Variants in AFF4 observed in about 807,000 individuals in gnomAD.
The protein encoded by AFF4 is AF4/FMR2 family member 4.
A neutral mutation model predicts 124.8 loss-of-function variants in AFF4; 13 were observed. The ratio of observed to expected loss-of-function variants is 0.10; its 90% CI spans 0.07 to 0.17. The LOEUF (loss-of-function observed/expected upper bound fraction) is 0.17. AFF4 is among the 10% of genes least tolerant of loss of function. The pLI, the probability that AFF4 is intolerant of heterozygous loss-of-function variation, is 1.00. For missense variants in AFF4, 1,092 were observed against 1,403.8 expected (o/e 0.78, Z 3.55); for synonymous variants, 477 against 496.1 (o/e 0.96, Z 0.51).
At chr5:132,905,264 C>T (rs1432417368) in intron 5 of AFF4, among the ~76,000 whole-genome samples, 2 of 152,090 alleles carry the variant, frequency 1.3e-5, no homozygotes, top group Non-Finnish European at 2.9e-5. Flanking sequence ...AGAATGTCAC[C>T]CTTAGTGAAA....
At chr5:132,938,718 C>T (rs1167929818) in intron 1 of AFF4, among the ~76,000 whole-genome samples, 4 of 151,322 alleles carry the variant, frequency 2.6e-5, no homozygotes, top group Non-Finnish European at 5.9e-5. Flanking sequence ...CCGAGGTGGG[C>T]AGATCACAAG....
At position 132,897,277 on chromosome 5, in the gene AFF4, C is replaced by A. The variant is rs369355217; in HGVS notation, c.1390-37G>T. On this transcript the variant is annotated intron_variant, in intron 10 of 20. Transcript: ENST00000265343. ...AGAAATATGTATGCTTTTTTCGATA[C>A]TGAATGCTTTTTTCGTTCTCCCTCC... The A allele has an allele frequency of 1.6e-5, 25 of 1,581,738 alleles. No homozygotes were observed. In the African/African-American group the frequency reaches 2.4e-4, roughly 15 times the overall value.
intron 5 of AFF4, among the ~76,000 whole-genome samples, chr5:132,921,081 C>T (rs1472482303): frequency 1.3e-5 from 2 of 149,720 alleles, no homozygotes; most frequent in African/African-American, 2.5e-5. Context: ...GAGCCGAGAT[C>T]GCGCCACTGC....
chr5:132,907,851 T>TG (rs1174288936), intron 5 of AFF4, among the ~76,000 whole-genome samples: 1 of 148,594 alleles, frequency 6.7e-6, no homozygotes, highest in Non-Finnish European at 1.5e-5. Flanking sequence ...AAAGTAAAGG[T>TG]GGAAGAGTGG....
At position 132,889,083 on chromosome 5, in the gene AFF4, C is replaced by T. The variant is rs752356059; in HGVS notation, c.2728G>A (p.Asp910Asn). The T allele has an allele frequency of 1.8e-5, 29 of 1,610,464 alleles. No individual in the cohort carries two copies. Among genetic ancestry groups the T allele is most frequent in the Non-Finnish European group, 2.1e-5 (25 of 1,176,874 alleles). The change falls in exon 14 of 21, where the codon GAC becomes AAC. Residue 910 changes from aspartate (D) to asparagine (N), a missense_variant. Physicochemically the swap from Asp to Asn is conservative, Grantham distance 23. Around this residue, in one of 11 missense-constraint regions of AFF4, gnomAD observed 293 missense variants for 280.2 expected, o/e 1.05. Coordinates refer to ENST00000265343, the MANE Select transcript of AFF4 (RefSeq NM_014423.4). ...CAAAAAATCATATTATCTCACCTGT[C>T]ATCAAAGACAAGCTTTGTTCTCCGA... ...KPRRTKLVFD[D>N]RNYSADHYLQ...
chr5:132,954,590 C>G (rs1469114086), intron 1 of AFF4, among the ~76,000 whole-genome samples: 2 of 146,252 alleles, frequency 1.4e-5, no homozygotes, highest in African/African-American at 5.0e-5. Flanking sequence ...CTCTGTCGCC[C>G]AGGCTGGAGT....
At chr5:132,947,987 T>C (rs1052320921) in intron 1 of AFF4, among the ~76,000 whole-genome samples, 5 of 152,200 alleles carry the variant, frequency 3.3e-5, no homozygotes, top group African/African-American at 1.2e-4. Flanking sequence ...CATCCTTATG[T>C]ATTATGTGAA....
chr5:132,906,137 G>A (rs1040803876), intron 5 of AFF4, among the ~76,000 whole-genome samples: 15 of 152,232 alleles, frequency 9.9e-5, no homozygotes, highest in African/African-American at 3.6e-4. Flanking sequence ...TGACAAGTAT[G>A]TGAAGAAATC....
At chr5:132,920,722 A>G (rs1487412222) in intron 5 of AFF4, among the ~76,000 whole-genome samples, 3 of 152,180 alleles carry the variant, frequency 2.0e-5, no homozygotes, top group Non-Finnish European at 2.9e-5. Flanking sequence ...TGGACTTTAT[A>G]AAAGTTAACA....
chr5:132,940,683 C>A (rs1372725944), intron 1 of AFF4, among the ~76,000 whole-genome samples: 1 of 152,154 alleles, frequency 6.6e-6, no homozygotes, highest in African/African-American at 2.4e-5. Flanking sequence ...CAAAGTCACA[C>A]AAGTGAACAC....
chr5:132,903,478 A>C (rs2150077447), intron 6 of AFF4, among the ~76,000 whole-genome samples: 1 of 152,348 alleles, frequency 6.6e-6, no homozygotes, highest in South Asian at 2.1e-4. Flanking sequence ...CTGTTTTGTT[A>C]CAGAGGTATA....
rs138376057 is a variant in AFF4, at chr5:132,897,229, C to A, written c.1401G>T (p.Pro467=). ...SQSASPEPEP[P]PTNKWQLDNW... Reference sequence around the variant, plus strand: ...TATCAAGTTGCCATTTGTTTGTTGGCGGGGGTTCAGGCTGAAAAACAGAGA... The same window carrying A: ...TATCAAGTTGCCATTTGTTTGTTGGAGGGGGTTCAGGCTGAAAAACAGAGA... The change falls in exon 11 of 21, where the codon CCG becomes CCT. Residue 467 remains proline, a synonymous_variant. Transcript: ENST00000265343. 2.4e-5 allele frequency: 38 copies of A among 1,612,116 alleles called. No individual in the cohort carries two copies. Among genetic ancestry groups the A allele is most frequent in the Non-Finnish European group, 3.1e-5 (37 of 1,178,634 alleles).
intron 1 of AFF4, among the ~76,000 whole-genome samples, chr5:132,961,928 C>T (rs571094404): frequency 6.6e-6 from 1 of 151,526 alleles, no homozygotes; most frequent in Non-Finnish European, 1.5e-5. Context: ...CTTAAAATAA[C>T]TTACTGGGAA....
chr5:132,901,343 G>T (rs989896341), intron 7 of AFF4, among the ~76,000 whole-genome samples: 1 of 152,160 alleles, frequency 6.6e-6, no homozygotes, highest in African/African-American at 2.4e-5. Context: ...TGATGAATAG[G>T]AGTATAATTT....
intron 1 of AFF4, among the ~76,000 whole-genome samples, chr5:132,947,637 A>G (rs1334049561): frequency 6.6e-6 from 1 of 152,250 alleles, no homozygotes; most frequent in Non-Finnish European, 1.5e-5. Context: ...CAAACCCAGT[A>G]TATTACAACT....
At chr5:132,942,487 A>T (rs1417311756) in intron 1 of AFF4, among the ~76,000 whole-genome samples, 1 of 146,842 alleles carries the variant, frequency 6.8e-6, no homozygotes, top group African/African-American at 2.5e-5. Context: ...TTTTAAAGAC[A>T]GAGTTTCGCT....
chr5:132,941,716 G>C (rs1761572757), intron 1 of AFF4, among the ~76,000 whole-genome samples: 1 of 151,738 alleles, frequency 6.6e-6, no homozygotes, highest in Non-Finnish European at 1.5e-5. Flanking sequence ...GCACGCACAA[G>C]CAAGCAATTG....
rs1201229953 is a variant in AFF4 at position 132,879,718 on chromosome 5, G to A, written c.*1341C>T. On this transcript the variant is annotated 3_prime_UTR_variant, in exon 21 of 21. Transcript: ENST00000265343. ...TATCTTAGACTTCTATATGCACCTT[G>A]TAGCAAAAGGTACTTTGATATACAA... 2 of 213,392 alleles carry A rather than the reference G, an allele frequency of 9.4e-6. No individual in the cohort carries two copies. Among genetic ancestry groups the A allele is most frequent in the African/African-American group, 4.5e-5 (2 of 44,304 alleles). The allele number at this position is 213,392 out of a possible 1,614,324, so 13.2% of individuals were successfully genotyped here.
chr5:132,881,426 A>G (rs1453340947), intron 20 of AFF4, among the ~76,000 whole-genome samples: 1 of 152,254 alleles, frequency 6.6e-6, no homozygotes, highest in East Asian at 1.9e-4. Flanking sequence ...GTTATATATA[A>G]GCAGGATTCC....
Sources: gnomAD v4.1 joint callset for allele counts (sites outside exome capture counted in the v4.1 genomes callset) on GRCh38, gnomAD v4.1.1 for gene constraint, gnomAD v4.1.1 regional missense constraint, MANE v1.5 for transcripts, NCBI Gene and HGNC (gene_info 2026-07-23, HGNC 2026-07-21) for gene names.